ERP44: variants seen among roughly 807,000 people sequenced by gnomAD.
ERP44 encodes endoplasmic reticulum resident protein 44.
A neutral mutation model predicts 53.4 loss-of-function variants in ERP44; 25 were observed. The observed-to-expected ratio is 0.47, with a 90% CI of 0.34 to 0.65. ERP44 has a LOEUF of 0.65. ERP44 is among the 30% of genes least tolerant of loss of function. The pLI is 0.01. For missense variants in ERP44, 338 were observed against 493.2 expected (o/e 0.69, Z 2.98); for synonymous variants, 145 against 161.2 (o/e 0.90, Z 0.76).
intron 8 of ERP44, among the ~76,000 whole-genome samples, chr9:100,012,284 A>G (rs577668959): frequency 6.6e-6 from 1 of 152,318 alleles, no homozygotes; most frequent in South Asian, 2.1e-4. Flanking sequence ...TTGCATATCT[A>G]GTGCAATAGA....
In ERP44 at chr9:99,981,828, A is replaced by C. The variant is rs1830151966; in HGVS notation, c.*784T>G. 1 of 152,222 alleles carries C rather than the reference A, an allele frequency of 6.6e-6. No homozygotes were observed. The highest frequency in any genetic ancestry group is 6.5e-5 in the Admixed American group (1 of 15,288). 9.4% of individuals were successfully genotyped at this position (152,222 alleles called of 1,614,324 possible). A position where few individuals can be genotyped will look rare whatever the true frequency, so the allele number is the denominator to read the frequency against. ...TTGGAAATTGAAGTCTCATAATAGG[A>C]GGAGCCTTAAAAGTCATCTAGTTCT... On this transcript the variant is annotated 3_prime_UTR_variant, in exon 12 of 12. Coordinates refer to ENST00000262455, the MANE Select transcript of ERP44 (RefSeq NM_015051.3).
chr9:100,035,979 A>G (rs1239934288), intron 4 of ERP44, among the ~76,000 whole-genome samples: 1 of 152,224 alleles, frequency 6.6e-6, no homozygotes, highest in Non-Finnish European at 1.5e-5. Flanking sequence ...TGTGGAGAGC[A>G]GTGTGGAGAT....
Position 99,979,949 on chromosome 9 carries a change from CCT to C in ERP44, c.*2661_*2662del. ...AACCCCTTAGTCTGGCACACAAGGC[CCT>C]GTGTGACCAGCTCCCATTTCTTTTT... On this transcript the variant is annotated 3_prime_UTR_variant, in exon 12 of 12. Transcript: ENST00000262455. 2.5e-6 allele frequency: 1 copy of C among 398,514 alleles called. No individual in the cohort carries two copies. Among genetic ancestry groups the C allele is most frequent in the Non-Finnish European group, 4.4e-6 (1 of 226,024 alleles). The allele number at this position is 398,514 out of a possible 1,614,324, so 24.7% of individuals were successfully genotyped here.
chr9:100,036,924 G>A (rs1000112046), intron 4 of ERP44, among the ~76,000 whole-genome samples: 2 of 151,974 alleles, frequency 1.3e-5, no homozygotes, highest in Admixed American at 6.6e-5. Flanking sequence ...AGAGAGAGGC[G>A]GAGCAAGATG....
rs570828837 is a variant in ERP44 at position 100,007,805 on chromosome 9, G to C, written c.763-116C>G. 335 of 673,776 alleles carry C rather than the reference G, an allele frequency of 5.0e-4. 2 individuals are homozygous for C. The highest frequency in any genetic ancestry group is 1.9e-4 in the Non-Finnish European group (71 of 376,466). The allele number at this position is 673,776 out of a possible 1,614,324, so 41.7% of individuals were successfully genotyped here. A position where few individuals can be genotyped will look rare whatever the true frequency, so the allele number is the denominator to read the frequency against. ...TGTAATGCAATAGTTGCAATATCCCGGGGGAAAAAAAAGGCCCAGTGGTGT... is the reference window on the plus strand; with the variant it reads ...TGTAATGCAATAGTTGCAATATCCCCGGGGAAAAAAAAGGCCCAGTGGTGT... On this transcript the variant is annotated intron_variant, in intron 8 of 11. Coordinates refer to ENST00000262455, the MANE Select transcript of ERP44 (RefSeq NM_015051.3).
intron 4 of ERP44, among the ~76,000 whole-genome samples, chr9:100,027,492 A>AT (rs1460741464): frequency 1.3e-5 from 2 of 152,198 alleles, no homozygotes; most frequent in Non-Finnish European, 2.9e-5. Flanking sequence ...GATAATTAGA[A>AT]TGTGACACTT....
At chr9:100,054,253 T>C (rs7867803) in intron 3 of ERP44, among the ~76,000 whole-genome samples, 31,462 of 152,184 alleles carry the variant, frequency 0.21, 5,523 homozygotes, top group African/African-American at 0.48. Context: ...ATTGATAGAA[T>C]GGAGGAACTG....
intron 1 of ERP44, among the ~76,000 whole-genome samples, chr9:100,065,094 C>G (rs1228490571): frequency 6.6e-6 from 1 of 152,192 alleles, no homozygotes; most frequent in East Asian, 1.9e-4. Flanking sequence ...ATTCACTCAT[C>G]ACTCACTGAC....
At chr9:100,086,141 T>C (rs1327596231) in intron 1 of ERP44, among the ~76,000 whole-genome samples, 4 of 152,232 alleles carry the variant, frequency 2.6e-5, no homozygotes, top group Non-Finnish European at 5.9e-5. Flanking sequence ...TTCTATGTAG[T>C]GCAAATGATA....
At chr9:100,027,064 A>G (rs1209766374) in intron 4 of ERP44, among the ~76,000 whole-genome samples, 2 of 152,186 alleles carry the variant, frequency 1.3e-5, no homozygotes, top group African/African-American at 4.8e-5. Context: ...CGGACTCTAG[A>G]GGGTCTTAAG....
At chr9:100,001,987 G>GT (rs1332290697) in intron 10 of ERP44, among the ~76,000 whole-genome samples, 2 of 151,804 alleles carry the variant, frequency 1.3e-5, no homozygotes, top group Non-Finnish European at 1.5e-5. Flanking sequence ...ATTTACTAAA[G>GT]TTTTTTGCTT....
intron 1 of ERP44, among the ~76,000 whole-genome samples, chr9:100,062,890 T>C (rs1224352595): frequency 2.0e-5 from 3 of 151,556 alleles, no homozygotes; most frequent in Non-Finnish European, 2.9e-5. Flanking sequence ...CTAGGCAACA[T>C]AGCAAGACCC....
chr9:100,056,698 G>A (rs772837597), intron 3 of ERP44, among the ~76,000 whole-genome samples: 19 of 151,900 alleles, frequency 1.3e-4, no homozygotes, highest in Non-Finnish European at 2.8e-4. Context: ...AGAAGTGGGC[G>A]ACAGAAGAAT....
chr9:100,026,803 T>G (rs73656929), intron 4 of ERP44, among the ~76,000 whole-genome samples: 1,985 of 152,236 alleles, frequency 0.013, 34 homozygotes, highest in African/African-American at 0.046. Context: ...CCTAAGACTT[T>G]TTAATACCCA....
rs1830130029 is a variant in ERP44 at position 99,979,891 on chromosome 9, G to T, written c.*2721C>A. The T allele has an allele frequency of 1.5e-5, 6 of 398,348 alleles. No homozygotes were observed. In the East Asian group the frequency reaches 1.8e-4, roughly 12 times the overall value. The allele number at this position is 398,348 out of a possible 1,614,324, so 24.7% of individuals were successfully genotyped here. A position where few individuals can be genotyped will look rare whatever the true frequency, so the allele number is the denominator to read the frequency against. On this transcript the variant is annotated 3_prime_UTR_variant, in exon 12 of 12. Coordinates refer to ENST00000262455, the MANE Select transcript of ERP44 (RefSeq NM_015051.3). ...CATACTTCCTTGCTTGCAATCTGTT[G>T]ATGGATCTCTTCTGCCTACAATATA...
intron 4 of ERP44, among the ~76,000 whole-genome samples, chr9:100,043,851 G>T (rs190501834): frequency 6.6e-6 from 1 of 152,122 alleles, no homozygotes; most frequent in Non-Finnish European, 1.5e-5. Context: ...CTAGACAGGA[G>T]AAATAAGTTC....
At chr9:100,067,611 A>T (rs1204393907) in intron 1 of ERP44, among the ~76,000 whole-genome samples, 1 of 151,068 alleles carries the variant, frequency 6.6e-6, no homozygotes, top group Non-Finnish European at 1.5e-5. Flanking sequence ...CCCGGCCGCC[A>T]CCCCGTCTGG....
In ERP44 at chr9:100,020,677, T is replaced by G. The variant is rs149213852; in HGVS notation, c.526A>C (p.Arg176=). ...ATATTCGCTACTCGTTCAAAAACTC[T>G]ATAGTTGTCCGAGTCCTTTTGCTCA... is the stretch of plus-strand genomic sequence containing the variant. ...YFEQKDSDNY[R]VFERVANILH... The change falls in exon 6 of 12, where the codon AGA becomes CGA. Residue 176 remains arginine (R), a synonymous_variant. Coordinates refer to ENST00000262455, the MANE Select transcript of ERP44 (RefSeq NM_015051.3). The G allele has an allele frequency of 6.8e-6, 11 of 1,611,302 alleles. No homozygotes were observed. The African/African-American group carries it at 1.5e-4, about 22-fold the overall frequency.
At chr9:100,062,499 A>T (rs1826162301) in intron 1 of ERP44, among the ~76,000 whole-genome samples, 1 of 150,962 alleles carries the variant, frequency 6.6e-6, no homozygotes, top group African/African-American at 2.4e-5. Flanking sequence ...GAAAAATATT[A>T]TCATAGAACA....
Sources: allele counts gnomAD v4.1 joint callset (sites outside exome capture counted in the v4.1 genomes callset), GRCh38; gene constraint gnomAD v4.1.1; transcripts MANE v1.5; gene names NCBI Gene and HGNC (gene_info 2026-07-23, HGNC 2026-07-21).